The following MAP3K4 variants were observed in gnomAD, a reference collection of about 807,000 sequenced individuals.
MAP3K4 encodes mitogen-activated protein kinase kinase kinase 4.
Under a neutral mutation model 185.6 loss-of-function variants are expected in MAP3K4, and 67 were observed. The ratio of observed to expected loss-of-function variants is 0.36; its 90% CI spans 0.30 to 0.44. The LOEUF (loss-of-function observed/expected upper bound fraction) is 0.44, where lower values mean the gene tolerates loss of function less well. Ranked by LOEUF, MAP3K4 falls within the 20% of genes least tolerant of loss-of-function variation. The pLI, the probability that MAP3K4 is intolerant of heterozygous loss-of-function variation, is 1.00. For synonymous variants in MAP3K4, 702 were observed against 710.4 expected (o/e 0.99, Z 0.19); for missense variants, 1,551 against 1,995.1 (o/e 0.78, Z 4.24).
intron 1 of MAP3K4, among the ~76,000 whole-genome samples, chr6:160,995,474 A>G (rs1369264438): frequency 1.3e-5 from 2 of 152,246 alleles, no homozygotes; most frequent in African/African-American, 4.8e-5. Context: ...TGGCAGGTGC[A>G]GCCAGCCCAG....
At chr6:161,028,939 T>C (rs1782796061) in intron 1 of MAP3K4, among the ~76,000 whole-genome samples, 1 of 152,206 alleles carries the variant, frequency 6.6e-6, no homozygotes, top group African/African-American at 2.4e-5. Flanking sequence ...AAATTGGCTC[T>C]TGTAGTATGA....
rs1411249587 is a variant in MAP3K4, at chr6:161,048,246, G to A, written c.344-370G>A. On this transcript the variant is annotated intron_variant, in intron 2 of 26. Coordinates refer to ENST00000392142, the MANE Select transcript of MAP3K4 (RefSeq NM_005922.4). This position sits in a 1 kb window ranked among gnomAD's most constrained non-coding sequence, Gnocchi z 4.7. ...GAATTAAATATATTTTCTCATCCAG[G>A]TGTCCGTCAGATCTCCCATGCTGTT... is the stretch of plus-strand genomic sequence containing the variant. The A allele has an allele frequency of 7.4e-6, 4 of 541,070 alleles. No individual in the cohort carries two copies. Among genetic ancestry groups the A allele is most frequent in the African/African-American group, 1.9e-5 (1 of 52,318 alleles). The allele number at this position is 541,070 out of a possible 1,614,324, so 33.5% of individuals were successfully genotyped here. A position where few individuals can be genotyped will look rare whatever the true frequency, so the allele number is the denominator to read the frequency against.
Position 160,995,968 on chromosome 6 carries a change from T to C in MAP3K4, c.152+3885T>C, listed in dbSNP as rs1346317611. 2.0e-5 allele frequency among the ~76,000 whole-genome samples: 3 copies of C among 152,238 alleles called. No individual in the cohort carries two copies. The East Asian group carries it at 5.8e-4, about 29-fold the overall frequency. On this transcript the variant is annotated intron_variant, in intron 1 of 26. Coordinates refer to ENST00000392142, the MANE Select transcript of MAP3K4 (RefSeq NM_005922.4). ...TTAACAATTAACTTTTTTTAAAAAA[T>C]GAATTATTTACTTTATATATTTATT...
At position 161,108,415 on chromosome 6, in the gene MAP3K4, C is replaced by T. The variant is rs1014617815; in HGVS notation, c.4120-328C>T. Among the ~76,000 whole-genome samples the T allele has an allele frequency of 6.6e-6, 1 of 152,222 alleles. No homozygotes were observed. Among genetic ancestry groups the T allele is most frequent in the African/African-American group, 2.4e-5 (1 of 41,546 alleles). ...ACTCACTGCTGTCTGTGGAGACATC[C>T]GGTTTGACGTGGAAGGAGGAGAGGA... On this transcript the variant is annotated intron_variant, in intron 21 of 26. Transcript: ENST00000392142. The surrounding 1 kb of genome is among the most constrained non-coding windows in gnomAD (Gnocchi z 5.7).
rs1784631715 is a variant in MAP3K4, at chr6:161,064,820, G to C, written c.1708-5788G>C. On this transcript the variant is annotated intron_variant, in intron 3 of 26. Coordinates refer to ENST00000392142, the MANE Select transcript of MAP3K4 (RefSeq NM_005922.4). This position sits in a 1 kb window ranked among gnomAD's most constrained non-coding sequence, Gnocchi z 4.3. ...GATTTTATTACTTGCAGGTTCTGGAGGGTACACGGCACGCCTACAGGCCGC... is the reference window on the plus strand; with the variant it reads ...GATTTTATTACTTGCAGGTTCTGGACGGTACACGGCACGCCTACAGGCCGC... 6.6e-6 allele frequency among the ~76,000 whole-genome samples: 1 copy of C among 152,160 alleles called. No homozygotes were observed. The highest frequency in any genetic ancestry group is 1.5e-5 in the Non-Finnish European group (1 of 68,036).
At position 161,047,391 on chromosome 6, in the gene MAP3K4, G is replaced by A. The variant is rs115710930; in HGVS notation, c.344-1225G>A. Among the ~76,000 whole-genome samples the A allele has an allele frequency of 7.9e-3, 1,204 of 151,892 alleles. 15 individuals carry two copies. Among genetic ancestry groups the A allele is most frequent in the African/African-American group, 0.027 (1,124 of 41,408 alleles). On this transcript the variant is annotated intron_variant, in intron 2 of 26. Transcript: ENST00000392142. ...GGAAGTTGAGGCTGCACTCCAGCCT[G>A]TCTCAGAAAAAAAGAAAAATGTAAA...
chr6:161,013,857 G>T (rs1479110830), intron 1 of MAP3K4, among the ~76,000 whole-genome samples: 1 of 152,184 alleles, frequency 6.6e-6, no homozygotes. Context: ...GTGGAAAGGG[G>T]CAGTAACTCC....
intron 23 of MAP3K4, among the ~76,000 whole-genome samples, chr6:161,111,021 C>T (rs1466327981): frequency 6.6e-6 from 1 of 152,180 alleles, no homozygotes; most frequent in African/African-American, 2.4e-5. Flanking sequence ...CTTTCTAGTT[C>T]AGCATGGCTA....
intron 6 of MAP3K4, among the ~76,000 whole-genome samples, chr6:161,081,719 G>A (rs1188696594): frequency 6.6e-6 from 1 of 152,212 alleles, no homozygotes; most frequent in African/African-American, 2.4e-5. Flanking sequence ...CCGCGTCTCC[G>A]TGGTCTTTGC....
intron 2 of MAP3K4, among the ~76,000 whole-genome samples, chr6:161,040,819 A>T (rs1012966734): frequency 6.6e-6 from 1 of 152,232 alleles, no homozygotes; most frequent in African/African-American, 2.4e-5. Flanking sequence ...CAGTAAGAGG[A>T]TATTATCTTT....
At chr6:161,111,698 T>C in intron 23 of MAP3K4, 138 bp from the exon 24 acceptor site, 1 of 899,008 alleles carries the variant, frequency 1.1e-6, no homozygotes, top group Non-Finnish European at 1.7e-6. Flanking sequence ...TTCCTATGAT[T>C]ACACTTTGTA....
Position 161,048,586 on chromosome 6 carries a change from TA to T in MAP3K4, c.344-28del. On this transcript the variant is annotated intron_variant, in intron 2 of 26. Transcript: ENST00000392142. The surrounding 1 kb of genome is among the most constrained non-coding windows in gnomAD (Gnocchi z 4.7). ...AGTAGCTTCATATTTTAGAGTTATA[TA>T]ATGTTCTGTTTATTTTTTTTTTTAA... 1 of 1,414,416 alleles carries T rather than the reference TA, an allele frequency of 7.1e-7. No individual in the cohort carries two copies. Among genetic ancestry groups the T allele is most frequent in the South Asian group, 1.4e-5 (1 of 72,980 alleles). The allele number at this position is 1,414,416 out of a possible 1,614,324, so 87.6% of individuals were successfully genotyped here.
intron 3 of MAP3K4, among the ~76,000 whole-genome samples, chr6:161,052,855 G>C: frequency 6.6e-6 from 1 of 152,040 alleles, no homozygotes; most frequent in Non-Finnish European, 1.5e-5. Context: ...CATTAACTGG[G>C]TTTCATTTCT....
chr6:161,040,557 G>A (rs1783404439), intron 2 of MAP3K4, among the ~76,000 whole-genome samples: 2 of 152,206 alleles, frequency 1.3e-5, no homozygotes, highest in African/African-American at 4.8e-5. Flanking sequence ...CGCAAATGTA[G>A]TCTGTGACCC....
Position 161,070,976 on chromosome 6 carries a change from C to A in MAP3K4, c.1950+126C>A. On this transcript the variant is annotated intron_variant, in intron 4 of 26. Coordinates refer to ENST00000392142, the MANE Select transcript of MAP3K4 (RefSeq NM_005922.4). The surrounding 1 kb of genome is among the most constrained non-coding windows in gnomAD (Gnocchi z 4.5). ...CAAATAGTGAAAAATGACTGTTTGT[C>A]CATGGTTTTAAGCTGTATATTTTAG... 1.1e-6 allele frequency: 1 copy of A among 921,124 alleles called. No individual in the cohort carries two copies. The highest frequency in any genetic ancestry group is 1.6e-6 in the Non-Finnish European group (1 of 638,526). 57.1% of individuals were successfully genotyped at this position (921,124 alleles called of 1,614,324 possible). A position where few individuals can be genotyped will look rare whatever the true frequency, so the allele number is the denominator to read the frequency against.
intron 2 of MAP3K4, among the ~76,000 whole-genome samples, chr6:161,036,511 A>G (rs1783170991): frequency 6.6e-6 from 1 of 152,192 alleles, no homozygotes; most frequent in African/African-American, 2.4e-5. Context: ...TTTTTGCTAT[A>G]TATGTTTATG....
rs1785031582 is a variant in MAP3K4, at chr6:161,073,349, G to A, written c.1951-117G>A. ...ATCAAGAATCTAGAAACTATTGTAG[G>A]TTTTTTAGAGGCAAGGTTCCCTCTG... On this transcript the variant is annotated intron_variant, in intron 4 of 26. Transcript: ENST00000392142. This position sits in a 1 kb window ranked among gnomAD's most constrained non-coding sequence, Gnocchi z 4.2. The A allele has an allele frequency of 2.1e-6, 2 of 970,018 alleles. No homozygotes were observed. Among genetic ancestry groups the A allele is most frequent in the Non-Finnish European group, 2.9e-6 (2 of 683,740 alleles). The allele number at this position is 970,018 out of a possible 1,614,324, so 60.1% of individuals were successfully genotyped here.
intron 17 of MAP3K4, among the ~76,000 whole-genome samples, chr6:161,099,853 T>C (rs1013729438): frequency 1.1e-4 from 16 of 152,254 alleles, no homozygotes; most frequent in African/African-American, 3.9e-4. Flanking sequence ...ATACTACAGT[T>C]ACCCTTTTCA....
intron 5 of MAP3K4, among the ~76,000 whole-genome samples, chr6:161,079,259 C>CT (rs1191736059): frequency 6.9e-6 from 1 of 145,572 alleles, no homozygotes; most frequent in Non-Finnish European, 1.5e-5. Flanking sequence ...AGGAAGCTGA[C>CT]TTTGCAGCCT....
Sources: gnomAD v4.1 joint callset for allele counts (sites outside exome capture counted in the v4.1 genomes callset) on GRCh38, gnomAD v4.1.1 for gene constraint, Gnocchi (gnomAD v3.1) non-coding constraint, MANE v1.5 for transcripts, NCBI Gene and HGNC (gene_info 2026-07-23, HGNC 2026-07-21) for gene names.